The following GALNT17 variants were observed in gnomAD, a reference collection of about 807,000 sequenced individuals.
GALNT17 encodes polypeptide N-acetylgalactosaminyltransferase 17.
In GALNT17, 29 loss-of-function variants were observed where a neutral mutation model predicts 63.7. That is an observed-to-expected ratio of 0.46 (90% CI 0.34 to 0.62). The LOEUF (loss-of-function observed/expected upper bound fraction) is 0.62, where lower values mean the gene tolerates loss of function less well. Ranked by LOEUF, GALNT17 falls within the 20% of genes least tolerant of loss-of-function variation. The pLI, the probability that GALNT17 is intolerant of heterozygous loss-of-function variation, is 0.01. For missense variants in GALNT17, 603 were observed against 799.6 expected (o/e 0.75, Z 2.97); for synonymous variants, 305 against 318.3 (o/e 0.96, Z 0.45).
At chr7:71,201,098 T>C (rs1039951602) in intron 1 of GALNT17, among the ~76,000 whole-genome samples, 4 of 151,982 alleles carry the variant, frequency 2.6e-5, no homozygotes, top group African/African-American at 9.7e-5. Flanking sequence ...CCCACTGTTT[T>C]GATTTGCATT....
Position 71,263,759 on chromosome 7 carries a change from TA to T in GALNT17, c.239-71784del, listed in dbSNP as rs1156359808. 8.6e-5 allele frequency among the ~76,000 whole-genome samples: 13 copies of T among 151,830 alleles called. No homozygotes were observed. In the East Asian group the frequency reaches 2.3e-3, roughly 27 times the overall value. ...TAACACGGTGAAACCCCGTCTCTAC[TA>T]AAAAAATACAAAAAGTTAGCCGGCG... On this transcript the variant is annotated intron_variant, in intron 1 of 10. Coordinates refer to ENST00000333538, the MANE Select transcript of GALNT17 (RefSeq NM_022479.3).
chr7:71,377,838 T>A (rs1792773619), intron 2 of GALNT17, among the ~76,000 whole-genome samples: 1 of 152,166 alleles, frequency 6.6e-6, no homozygotes, highest in African/African-American at 2.4e-5. Context: ...CTTCCTTCTC[T>A]CTCCTGCCGC....
At position 71,584,556 on chromosome 7, in the gene GALNT17, G is replaced by A. The variant is rs117949014; in HGVS notation, c.1080+13154G>A. Among the ~76,000 whole-genome samples, 232 of 151,944 alleles carry A rather than the reference G, an allele frequency of 1.5e-3. 1 individual carries two copies. In the South Asian group the frequency reaches 0.027, roughly 18 times the overall value. ...AAAGACTCTTTAAAAACATAGTCTC[G>A]ACATAAAATTACACTTAGGAAAATC... On this transcript the variant is annotated intron_variant, in intron 6 of 10. Transcript: ENST00000333538.
At chr7:71,329,228 G>A (rs1791758811) in intron 1 of GALNT17, among the ~76,000 whole-genome samples, 1 of 152,148 alleles carries the variant, frequency 6.6e-6, no homozygotes, top group Admixed American at 6.6e-5. Context: ...TGACCCTTGG[G>A]AGTGTGTGGC....
At chr7:71,485,817 G>C (rs868359590) in intron 5 of GALNT17, among the ~76,000 whole-genome samples, 1 of 152,118 alleles carries the variant, frequency 6.6e-6, no homozygotes, top group African/African-American at 2.4e-5. Flanking sequence ...GTCTGAAAAG[G>C]CTGGATGAAT....
intron 6 of GALNT17, among the ~76,000 whole-genome samples, chr7:71,642,235 G>A (rs1437191572): frequency 6.6e-6 from 1 of 152,166 alleles, no homozygotes; most frequent in Non-Finnish European, 1.5e-5. Flanking sequence ...TATTGTCCTA[G>A]CCTATGGAAA....
intron 3 of GALNT17, among the ~76,000 whole-genome samples, chr7:71,412,794 G>A (rs1343837211): frequency 2.0e-5 from 3 of 152,040 alleles, no homozygotes; most frequent in Non-Finnish European, 4.4e-5. Flanking sequence ...TGTAATCCTA[G>A]CACTTTAAGA....
At chr7:71,205,868 A>T (rs1585880693) in intron 1 of GALNT17, among the ~76,000 whole-genome samples, 1 of 152,060 alleles carries the variant, frequency 6.6e-6, no homozygotes, top group East Asian at 1.9e-4. Flanking sequence ...CTTTGATTAA[A>T]TAAGTAGGTT....
At chr7:71,543,361 C>G (rs543881705) in intron 5 of GALNT17, among the ~76,000 whole-genome samples, 7 of 152,304 alleles carry the variant, frequency 4.6e-5, no homozygotes, top group African/African-American at 1.7e-4. Context: ...GTCGACTAAC[C>G]AGGAGACAGG....
rs181703280 is a variant in GALNT17, at chr7:71,671,247, A to G, written c.1404+1138A>G. 4.5e-3 allele frequency among the ~76,000 whole-genome samples: 684 copies of G among 152,264 alleles called. 22 individuals carry two copies. The highest frequency in any genetic ancestry group is 0.03 in the Admixed American group (457 of 15,286). On this transcript the variant is annotated intron_variant, in intron 8 of 10. Transcript: ENST00000333538. Reference sequence around the variant, plus strand: ...CTGTTTGAGATGGAATCGGTGACACACAGTCAGGCCAAGGAGCAGAGAGCC... The same window carrying G: ...CTGTTTGAGATGGAATCGGTGACACGCAGTCAGGCCAAGGAGCAGAGAGCC...
chr7:71,590,958 G>A (rs1256171274), intron 6 of GALNT17, among the ~76,000 whole-genome samples: 8 of 152,212 alleles, frequency 5.3e-5, no homozygotes, highest in East Asian at 1.9e-4. Context: ...ACAGGGTTTC[G>A]CCATATTGGC....
chr7:71,598,557 T>C (rs1355322694), intron 6 of GALNT17, among the ~76,000 whole-genome samples: 1 of 152,220 alleles, frequency 6.6e-6, no homozygotes, highest in African/African-American at 2.4e-5. Context: ...TTATTCTTTT[T>C]TAATTTAGTA....
At chr7:71,463,699 C>T (rs552530330) in intron 5 of GALNT17, among the ~76,000 whole-genome samples, 4 of 152,238 alleles carry the variant, frequency 2.6e-5, no homozygotes, top group African/African-American at 7.2e-5. Flanking sequence ...ACTGAGGGTT[C>T]CTCCCCTTTT....
intron 5 of GALNT17, among the ~76,000 whole-genome samples, chr7:71,447,220 G>T (rs1396754925): frequency 1.3e-5 from 2 of 152,084 alleles, no homozygotes; most frequent in Non-Finnish European, 2.9e-5. Context: ...AGGTCTCCAG[G>T]CTATCCATAT....
chr7:71,433,012 T>C (rs1009990985), intron 5 of GALNT17, among the ~76,000 whole-genome samples: 2 of 152,216 alleles, frequency 1.3e-5, no homozygotes, highest in Admixed American at 6.5e-5. Flanking sequence ...GGTTTCACCA[T>C]GTTGGCCAGG....
At position 71,572,504 on chromosome 7, in the gene GALNT17, T is replaced by TAAAAAA. The variant is rs371372359; in HGVS notation, c.1080+1123_1080+1128dup. Among the ~76,000 whole-genome samples the TAAAAAA allele has an allele frequency of 1.9e-3, 85 of 44,474 alleles. 16 individuals are homozygous for TAAAAAA. The highest frequency in any genetic ancestry group is 7.3e-3 in the African/African-American group (70 of 9,586). The allele number at this position is 44,474 out of a possible 152,430, so 29.2% of individuals were successfully genotyped here. ...GCAACAGAGCAAGACCCTGTCTCAT[T>TAAAAAA]AAAAAAAAAAAAAAAAAAAAAAAAA... On this transcript the variant is annotated intron_variant, in intron 6 of 10. Coordinates refer to ENST00000333538, the MANE Select transcript of GALNT17 (RefSeq NM_022479.3).
chr7:71,665,869 T>C (rs75536393), intron 7 of GALNT17, among the ~76,000 whole-genome samples: 1 of 152,184 alleles, frequency 6.6e-6, no homozygotes, highest in African/African-American at 2.4e-5. Context: ...CTGGCTGCCC[T>C]GCTCCTGATG....
chr7:71,539,732 T>G (rs1788857004), intron 5 of GALNT17, among the ~76,000 whole-genome samples: 1 of 136,486 alleles, frequency 7.3e-6, no homozygotes, highest in Non-Finnish European at 1.6e-5. Context: ...TTTTTTTTTT[T>G]GAGGCACGGT....
In GALNT17 at chr7:71,586,679, G is replaced by GT. The variant is rs79434130; in HGVS notation, c.1080+15289dup. On this transcript the variant is annotated intron_variant, in intron 6 of 10. Transcript: ENST00000333538. ...AATCTATTTTACCAAACCTAGTAGG[G>GT]TTTTTTTTTTTTAATTGCATGGCAC... Among the ~76,000 whole-genome samples, 1,270 of 145,152 alleles carry GT rather than the reference G, an allele frequency of 8.7e-3. 15 individuals are homozygous for GT. Among genetic ancestry groups the GT allele is most frequent in the African/African-American group, 0.029 (1,140 of 39,710 alleles).
Sources: allele counts gnomAD v4.1 joint callset (sites outside exome capture counted in the v4.1 genomes callset), GRCh38; gene constraint gnomAD v4.1.1; transcripts MANE v1.5; gene names NCBI Gene and HGNC (gene_info 2026-07-23, HGNC 2026-07-21).